Variants in UBE2E2 observed in about 807,000 individuals in gnomAD.
The protein encoded by UBE2E2 is ubiquitin-conjugating enzyme E2 E2.
Under a neutral mutation model 24.7 loss-of-function variants are expected in UBE2E2, and 6 were observed. That is an observed-to-expected ratio of 0.24 (90% CI 0.13 to 0.48). The LOEUF is 0.48. UBE2E2 is among the 20% of genes least tolerant of loss of function. UBE2E2 has a pLI of 0.99. For synonymous variants in UBE2E2, 104 were observed against 83.6 expected, an observed-to-expected ratio of 1.24 and a Z score of -1.33; for missense variants, 169 against 245.0, an observed-to-expected ratio of 0.69 and a Z score of 2.07.
chr3:23,551,696 A>G (rs542288630), intron 5 of UBE2E2, among the ~76,000 whole-genome samples: 3 of 152,158 alleles, frequency 2.0e-5, no homozygotes, highest in Non-Finnish European at 4.4e-5. Flanking sequence ...TGGGGATGAG[A>G]GAGTAAAAAG....
intron 3 of UBE2E2, among the ~76,000 whole-genome samples, chr3:23,397,241 G>A (rs1448708007): frequency 6.6e-6 from 1 of 152,162 alleles, no homozygotes; most frequent in Non-Finnish European, 1.5e-5. Context: ...GGAATTGGAA[G>A]ACCTAGTTGT....
In UBE2E2 at chr3:23,589,526, C is replaced by G. The variant is rs1279198176; in HGVS notation, c.509-208C>G. Among the ~76,000 whole-genome samples the G allele has an allele frequency of 6.6e-6, 1 of 152,092 alleles. No homozygotes were observed. The highest frequency in any genetic ancestry group is 1.5e-5 in the Non-Finnish European group (1 of 68,012). ...TGTCAAGAAATATGACAAGAGCTAT[C>G]AGTAAAATACAGATAGGTGACTCTT... On this transcript the variant is annotated intron_variant, in intron 5 of 5. Transcript: ENST00000396703. This position sits in a 1 kb window ranked among gnomAD's most constrained non-coding sequence, Gnocchi z 4.1.
At chr3:23,453,278 G>T (rs944496509) in intron 3 of UBE2E2, among the ~76,000 whole-genome samples, 2 of 151,840 alleles carry the variant, frequency 1.3e-5, no homozygotes, top group Non-Finnish European at 2.9e-5. Context: ...TTGTTAAAAT[G>T]AGCAACTATT....
intron 3 of UBE2E2, among the ~76,000 whole-genome samples, chr3:23,249,822 A>T (rs1697525133): frequency 6.6e-6 from 1 of 151,798 alleles, no homozygotes; most frequent in African/African-American, 2.4e-5. Context: ...CACCTGGCTA[A>T]TTTTTTTGTA....
chr3:23,566,449 A>T (rs575311151), intron 5 of UBE2E2, among the ~76,000 whole-genome samples: 1 of 152,188 alleles, frequency 6.6e-6, no homozygotes, highest in Non-Finnish European at 1.5e-5. Context: ...CACTCCAGAC[A>T]TGTGTTAGTC....
At chr3:23,477,766 T>C (rs1699170447) in intron 3 of UBE2E2, among the ~76,000 whole-genome samples, 1 of 152,114 alleles carries the variant, frequency 6.6e-6, no homozygotes, top group African/African-American at 2.4e-5. Flanking sequence ...CACTCAAATC[T>C]CATCTCAAAT....
intron 3 of UBE2E2, among the ~76,000 whole-genome samples, chr3:23,441,431 C>A (rs936057501): frequency 1.3e-5 from 2 of 149,456 alleles, no homozygotes; most frequent in African/African-American, 4.9e-5. Flanking sequence ...CCCAGCTACT[C>A]GGGAGGCTGA....
At chr3:23,483,562 T>C (rs1330500111) in intron 3 of UBE2E2, among the ~76,000 whole-genome samples, 1 of 152,238 alleles carries the variant, frequency 6.6e-6, no homozygotes, top group Non-Finnish European at 1.5e-5. Flanking sequence ...ATGTGGATTT[T>C]ATTATGTGTT....
At chr3:23,476,040 T>A (rs1699126963) in intron 3 of UBE2E2, among the ~76,000 whole-genome samples, 1 of 152,088 alleles carries the variant, frequency 6.6e-6, no homozygotes, top group Admixed American at 6.5e-5. Context: ...CCATGTTCAC[T>A]TATCTTTTCA....
intron 3 of UBE2E2, among the ~76,000 whole-genome samples, chr3:23,480,317 C>T (rs999795539): frequency 6.6e-6 from 1 of 152,198 alleles, no homozygotes; most frequent in African/African-American, 2.4e-5. Context: ...AGTGGATGCC[C>T]AGAGCTGGGA....
At chr3:23,375,564 T>C (rs1433653984) in intron 3 of UBE2E2, among the ~76,000 whole-genome samples, 1 of 152,186 alleles carries the variant, frequency 6.6e-6, no homozygotes, top group Non-Finnish European at 1.5e-5. Context: ...GTTAAATGTT[T>C]AGTAGAGGTT....
At chr3:23,350,068 T>G (rs537405338) in intron 3 of UBE2E2, among the ~76,000 whole-genome samples, 1 of 152,308 alleles carries the variant, frequency 6.6e-6, no homozygotes, top group East Asian at 1.9e-4. Context: ...CAGCAGCATT[T>G]GCCGTTCACA....
intron 3 of UBE2E2, among the ~76,000 whole-genome samples, chr3:23,450,802 A>C (rs551703576): frequency 5.9e-5 from 9 of 152,318 alleles, no homozygotes; most frequent in African/African-American, 2.2e-4. Flanking sequence ...GAGAATATAA[A>C]ACACCTTACA....
intron 3 of UBE2E2, among the ~76,000 whole-genome samples, chr3:23,270,750 G>C (rs776954942): frequency 1.3e-5 from 2 of 152,186 alleles, no homozygotes; most frequent in East Asian, 1.9e-4. Context: ...TGCTCTGTCA[G>C]GTCTGATTTG....
chr3:23,420,222 A>T (rs1697762825), intron 3 of UBE2E2, among the ~76,000 whole-genome samples: 1 of 152,194 alleles, frequency 6.6e-6, no homozygotes, highest in Non-Finnish European at 1.5e-5. Flanking sequence ...CCATCATAGC[A>T]TCTGACACAG....
At chr3:23,298,873 G>C (rs950927053) in intron 3 of UBE2E2, among the ~76,000 whole-genome samples, 3 of 152,018 alleles carry the variant, frequency 2.0e-5, no homozygotes, top group Admixed American at 6.6e-5. Flanking sequence ...GTACTAGCTC[G>C]TCTTTGTACC....
intron 3 of UBE2E2, among the ~76,000 whole-genome samples, chr3:23,268,211 T>A (rs1698111415): frequency 1.3e-5 from 2 of 148,926 alleles, no homozygotes; most frequent in East Asian, 2.0e-4. Flanking sequence ...GCCAGGGCAA[T>A]TAGGCAGGAG....
chr3:23,405,883 A>G (rs1697344021), intron 3 of UBE2E2, among the ~76,000 whole-genome samples: 1 of 152,190 alleles, frequency 6.6e-6, no homozygotes, highest in Admixed American at 6.5e-5. Context: ...AGTGATAGAA[A>G]TTCCATGCAG....
intron 3 of UBE2E2, among the ~76,000 whole-genome samples, chr3:23,441,351 C>T (rs1490832548): frequency 7.2e-6 from 1 of 138,968 alleles, no homozygotes; most frequent in Non-Finnish European, 1.5e-5. Context: ...AGTGAAACCA[C>T]GTCTCTACTA....
Sources: gnomAD v4.1 joint callset for allele counts (sites outside exome capture counted in the v4.1 genomes callset) on GRCh38, gnomAD v4.1.1 for gene constraint, Gnocchi (gnomAD v3.1) non-coding constraint, MANE v1.5 for transcripts, NCBI Gene and HGNC (gene_info 2026-07-23, HGNC 2026-07-21) for gene names.